Variants in CDH12 observed in about 807,000 individuals in gnomAD.
CDH12 encodes the protein cadherin-12.
A neutral mutation model predicts 74.1 loss-of-function variants in CDH12; 41 were observed. The ratio of observed to expected loss-of-function variants is 0.55; its 90% confidence interval spans 0.43 to 0.72. The LOEUF (loss-of-function observed/expected upper bound fraction) is 0.72, where lower values mean the gene tolerates loss of function less well. Ranked by LOEUF, CDH12 falls within the 30% of genes least tolerant of loss-of-function variation. The pLI is 0.00. For synonymous variants in CDH12, 399 were observed against 355.0 expected (o/e 1.12, Z -1.39); for missense variants, 945 against 977.2 (o/e 0.97, Z 0.44).
intron 1 of CDH12, among the ~76,000 whole-genome samples, chr5:22,571,323 T>C (rs1388333497): frequency 6.6e-6 from 1 of 152,042 alleles, no homozygotes; most frequent in Non-Finnish European, 1.5e-5. Context: ...TAATCATCTC[T>C]AACTTTTCTT....
At chr5:22,238,463 C>A (rs77677614) in intron 3 of CDH12, among the ~76,000 whole-genome samples, 5,067 of 152,194 alleles carry the variant, frequency 0.033, 114 homozygotes, top group Middle Eastern at 0.075. Flanking sequence ...TAAAGAAAGT[C>A]TATAAGATTG....
intron 1 of CDH12, among the ~76,000 whole-genome samples, chr5:22,659,783 T>G (rs1740250414): frequency 1.3e-5 from 2 of 152,100 alleles, no homozygotes; most frequent in South Asian, 4.1e-4. Context: ...CACACAGTTT[T>G]ATAGAATTAC....
intron 3 of CDH12, among the ~76,000 whole-genome samples, chr5:22,225,763 G>A (rs1752172869): frequency 6.6e-6 from 1 of 152,050 alleles, no homozygotes; most frequent in South Asian, 2.1e-4. Flanking sequence ...ATAAAAGTTG[G>A]GCCTTTTTCT....
chr5:22,508,204 G>A (rs982613285), intron 1 of CDH12, among the ~76,000 whole-genome samples: 1 of 152,118 alleles, frequency 6.6e-6, no homozygotes, highest in African/African-American at 2.4e-5. Context: ...GCCTACCATA[G>A]ATCATGAGGA....
intron 3 of CDH12, among the ~76,000 whole-genome samples, chr5:22,315,119 CT>C (rs70959715): frequency 4.6e-3 from 105 of 22,992 alleles, no homozygotes; most frequent in African/African-American, 0.021. Flanking sequence ...GCCTGCCTGG[CT>C]TTTTTTTTTT....
In CDH12 at chr5:22,398,614, C is replaced by T. The variant is rs751970091; in HGVS notation, c.-333+6643G>A. 6.6e-4 allele frequency among the ~76,000 whole-genome samples: 101 copies of T among 152,056 alleles called. 1 individual carries two copies. The highest frequency in any genetic ancestry group is 7.6e-4 in the Non-Finnish European group (52 of 68,016). Reference sequence around the variant, plus strand: ...ATAGAACACGCATCCTCTTCTTTTCCCCCACAACTACCTCCTCTTTGGGTT... The same window carrying T: ...ATAGAACACGCATCCTCTTCTTTTCTCCCACAACTACCTCCTCTTTGGGTT... On this transcript the variant is annotated intron_variant, in intron 3 of 14. Coordinates refer to ENST00000382254, the MANE Select transcript of CDH12 (RefSeq NM_004061.5).
At chr5:22,846,751 A>G (rs961913374) in intron 1 of CDH12, among the ~76,000 whole-genome samples, 2 of 152,130 alleles carry the variant, frequency 1.3e-5, no homozygotes, top group African/African-American at 4.8e-5. Context: ...TTTTGTTTTT[A>G]AAAAGTAACA....
At chr5:22,034,629 GAC>G (rs1739047908) in intron 5 of CDH12, among the ~76,000 whole-genome samples, 1 of 152,040 alleles carries the variant, frequency 6.6e-6, no homozygotes. Context: ...CAAAGAATAG[GAC>G]ACTATTCACA....
intron 2 of CDH12, among the ~76,000 whole-genome samples, chr5:22,418,749 T>TC (rs1743506964): frequency 6.6e-6 from 1 of 152,002 alleles, no homozygotes. Flanking sequence ...CCCGGCATGG[T>TC]GGCAGGCTCC....
intron 1 of CDH12, among the ~76,000 whole-genome samples, chr5:22,650,590 T>C (rs1739685174): frequency 6.6e-6 from 1 of 152,062 alleles, no homozygotes; most frequent in Admixed American, 6.6e-5. Context: ...ATTTAGAAGT[T>C]AGAAGGAAAA....
chr5:22,523,869 A>G (rs1458466146), intron 1 of CDH12, among the ~76,000 whole-genome samples: 5 of 152,186 alleles, frequency 3.3e-5, no homozygotes, highest in African/African-American at 4.8e-5. Context: ...GATTTAAGTC[A>G]GATCTCATTA....
intron 1 of CDH12, among the ~76,000 whole-genome samples, chr5:22,832,514 G>C (rs1040987564): frequency 3.9e-5 from 6 of 152,126 alleles, no homozygotes; most frequent in African/African-American, 1.2e-4. Context: ...TATGGGGTGA[G>C]ATACGCAGAG....
At chr5:22,714,120 A>G (rs965210090) in intron 1 of CDH12, among the ~76,000 whole-genome samples, 17 of 152,180 alleles carry the variant, frequency 1.1e-4, no homozygotes, top group Non-Finnish European at 2.2e-4. Context: ...GTTCTGACCC[A>G]TTCCATCAAC....
chr5:22,297,209 C>T (rs1206925989), intron 3 of CDH12, among the ~76,000 whole-genome samples: 2 of 151,916 alleles, frequency 1.3e-5, no homozygotes, highest in Non-Finnish European at 2.9e-5. Flanking sequence ...TTAATGGACA[C>T]GGGGTTTCTC....
chr5:22,050,490 T>A (rs1740285018), intron 5 of CDH12, among the ~76,000 whole-genome samples: 2 of 152,132 alleles, frequency 1.3e-5, no homozygotes, highest in Admixed American at 6.6e-5. Flanking sequence ...AATTTAGCAA[T>A]CTACTGGCTA....
At chr5:22,251,648 A>G (rs1262128274) in intron 3 of CDH12, among the ~76,000 whole-genome samples, 1 of 152,212 alleles carries the variant, frequency 6.6e-6, no homozygotes, top group South Asian at 2.1e-4. Context: ...TGCCTTGCAC[A>G]TGGTACAACC....
chr5:22,759,319 G>A (rs567770918), intron 1 of CDH12, among the ~76,000 whole-genome samples: 1 of 152,236 alleles, frequency 6.6e-6, no homozygotes, highest in South Asian at 2.1e-4. Flanking sequence ...CACATATACA[G>A]CTCATAATTG....
chr5:21,880,511 C>T (rs1561267794), intron 6 of CDH12, among the ~76,000 whole-genome samples: 5 of 76,032 alleles, frequency 6.6e-5, no homozygotes, highest in Admixed American at 1.6e-4. Context: ...TCCTCCCTCC[C>T]TCCCTCTTTT....
At chr5:21,938,918 C>A (rs1755202029) in intron 6 of CDH12, among the ~76,000 whole-genome samples, 1 of 150,502 alleles carries the variant, frequency 6.6e-6, no homozygotes, top group South Asian at 2.1e-4. Context: ...GACACTATAA[C>A]TATTATACTT....
Sources: gnomAD v4.1 joint callset for allele counts (sites outside exome capture counted in the v4.1 genomes callset) on GRCh38, gnomAD v4.1.1 for gene constraint, MANE v1.5 for transcripts, NCBI Gene and HGNC (gene_info 2026-07-23, HGNC 2026-07-21) for gene names.